The following NFRKB variants were observed in gnomAD, a reference collection of about 807,000 sequenced individuals.
NFRKB encodes nuclear factor related to kappa-B-binding protein.
A neutral mutation model predicts 135.7 loss-of-function variants in NFRKB; 62 were observed. That is an observed-to-expected ratio of 0.46 (90% CI 0.37 to 0.56). The LOEUF is 0.56. Ranked by LOEUF, NFRKB falls within the 20% of genes least tolerant of loss-of-function variation. The probability of loss-of-function intolerance (pLI) is 0.00; values close to 1 mark genes in which losing one functional copy is unlikely to be tolerated. For missense variants in NFRKB, 1,545 were observed against 1,662.0 expected (o/e 0.93, Z 1.22); for synonymous variants, 678 against 635.6 (o/e 1.07, Z -1.00).
At position 129,892,784 on chromosome 11, in the gene NFRKB, G is replaced by C. The variant is rs1405972038; in HGVS notation, c.66C>G (p.Gly22=). ...LELGPCGDGH[G]TRIMEDCLLG... The stretch of plus-strand genomic sequence containing the variant: ...GGAGGCAATCCTCCATGATGCGCGT[G>C]CCATGGCCATCTCCACACGGACCAA... Residue 22 remains glycine (G), a synonymous_variant, in exon 3 of 27, where the codon GGC becomes GGG. Coordinates refer to ENST00000682444, the MANE Select transcript of NFRKB (RefSeq NM_001143835.2). The C allele has an allele frequency of 6.2e-7, 1 of 1,614,174 alleles. No individual in the cohort carries two copies. Among genetic ancestry groups the C allele is most frequent in the Admixed American group, 1.7e-5 (1 of 60,022 alleles).
chr11:129,884,122 C>G lies in NFRKB; in HGVS notation c.764G>C (p.Ser255Thr). ...KTADKVELGD[S>T]DLKIMLKKHH... ...CTTCTTTAACATTATCTTCAGGTCA[C>G]TGTCCCCCAGTTCTACTTTATCTGA... Residue 255 changes from serine to threonine, a missense_variant, in exon 8 of 27, where the codon AGT becomes ACT. Ser to Thr is a moderately conservative substitution (Grantham distance 58). This residue lies in a region of NFRKB where 678 missense variants were observed against 646.7 expected (regional missense o/e 1.05). Transcript: ENST00000682444. 6.2e-7 allele frequency: 1 copy of G among 1,614,248 alleles called. No homozygotes were observed. Among genetic ancestry groups the G allele is most frequent in the Non-Finnish European group, 8.5e-7 (1 of 1,180,044 alleles).
intron 23 of NFRKB, 25 bp from the exon 24 acceptor site, chr11:129,870,286 T>C (rs1948439499): frequency 6.3e-7 from 1 of 1,599,600 alleles, no homozygotes; most frequent in Non-Finnish European, 8.6e-7. Flanking sequence ...GCAGCACTGA[T>C]GAGGGATTCA....
At chr11:129,890,806 A>G (rs1301087126) in intron 3 of NFRKB, among the ~76,000 whole-genome samples, 2 of 152,244 alleles carry the variant, frequency 1.3e-5, no homozygotes, top group Non-Finnish European at 2.9e-5. Context: ...CAGGGCACGT[A>G]CCATTATTGA....
At position 129,888,660 on chromosome 11, in the gene NFRKB, CTAAGA is replaced by C; in HGVS notation, c.266_270del (p.Ile89SerfsTer27). 6.2e-7 allele frequency: 1 copy of C among 1,614,194 alleles called. No individual in the cohort carries two copies. Among genetic ancestry groups the C allele is most frequent in the Non-Finnish European group, 8.5e-7 (1 of 1,180,042 alleles). On this transcript the variant is annotated frameshift_variant, in exon 4 of 27. Coordinates refer to ENST00000682444, the MANE Select transcript of NFRKB (RefSeq NM_001143835.2). LOFTEE classifies it high-confidence loss of function. Reference sequence around the variant, plus strand: ...CGGAAGTTCTCCCCACTGAACAAGGCTAAGATGAGTTCATTCTGCTGCTCAGCACT... The same window carrying C: ...CGGAAGTTCTCCCCACTGAACAAGGCTGAGTTCATTCTGCTGCTCAGCACT...
At chr11:129,888,216 G>T (rs902658368) in intron 4 of NFRKB, 1 of 528,014 alleles carries the variant, frequency 1.9e-6, no homozygotes, top group African/African-American at 2.0e-5. Context: ...AAGTGTGTGT[G>T]TACCTAAACA....
chr11:129,893,424 G>A (rs188706801), intron 2 of NFRKB: 3 of 351,522 alleles, frequency 8.5e-6, no homozygotes, highest in Non-Finnish European at 1.1e-5. Context: ...GCCAGGCGTG[G>A]TGGCGCACGC....
intron 16 of NFRKB, 93 bp downstream of exon 16, chr11:129,877,232 T>C: frequency 7.7e-7 from 1 of 1,294,438 alleles, no homozygotes; most frequent in South Asian, 1.2e-5. Context: ...TATGAGTTTC[T>C]TGCAAGAAGG....
intron 4 of NFRKB, 59 bp downstream of exon 4, chr11:129,888,531 CACAT>C: frequency 7.0e-7 from 1 of 1,421,020 alleles, no homozygotes; most frequent in Non-Finnish European, 1.0e-6. Context: ...AAGGAATACC[CACAT>C]AAAGTGAACG....
At chr11:129,886,608 G>C (rs190768753) in intron 4 of NFRKB, among the ~76,000 whole-genome samples, 164 bp from the exon 5 acceptor site, 1 of 152,136 alleles carries the variant, frequency 6.6e-6, no homozygotes, top group Non-Finnish European at 1.5e-5. Flanking sequence ...AAGTAAAAGC[G>C]TGCTGAGAAG....
Position 129,884,386 on chromosome 11 carries a change from C to G in NFRKB, c.743-243G>C, listed in dbSNP as rs78596317. 3.9e-3 allele frequency among the ~76,000 whole-genome samples: 601 copies of G among 152,296 alleles called. 6 individuals carry two copies. The highest frequency in any genetic ancestry group is 0.014 in the African/African-American group (575 of 41,554). On this transcript the variant is annotated intron_variant, in intron 7 of 26. Coordinates refer to ENST00000682444, the MANE Select transcript of NFRKB (RefSeq NM_001143835.2). ...TTCTTAACCATCTTTGCTTCCTGTT[C>G]CAAACAAAAACTCTTCTCCAAACTC...
chr11:129,872,215 C>G (rs1288895540), intron 23 of NFRKB, among the ~76,000 whole-genome samples: 2 of 152,112 alleles, frequency 1.3e-5, no homozygotes, highest in African/African-American at 4.8e-5. Flanking sequence ...CGTCTCTTAG[C>G]TCTATGAGAA....
chr11:129,876,667 G>C, intron 17 of NFRKB, 54 bp downstream of exon 17: 1 of 1,456,102 alleles, frequency 6.9e-7, no homozygotes, highest in Non-Finnish European at 9.4e-7. Flanking sequence ...GTTGGTAAGA[G>C]AAAAGCTGCG....
intron 3 of NFRKB, among the ~76,000 whole-genome samples, chr11:129,890,038 T>TTG (rs1013367948): frequency 8.0e-5 from 12 of 150,626 alleles, no homozygotes; most frequent in Admixed American, 3.3e-4. Flanking sequence ...TGTTTTTTTT[T>TTG]TTTGTTTTTT....
chr11:129,871,759 C>T (rs1948519171), intron 23 of NFRKB, among the ~76,000 whole-genome samples: 1 of 152,188 alleles, frequency 6.6e-6, no homozygotes, highest in Non-Finnish European at 1.5e-5. Context: ...CCGTTCTTGT[C>T]CCCCATTGTT....
At chr11:129,867,094 C>T (rs61913688) in intron 24 of NFRKB, among the ~76,000 whole-genome samples, 51,132 of 152,058 alleles carry the variant, frequency 0.34, 9,789 homozygotes, top group East Asian at 0.46. Context: ...ATGATCCCTT[C>T]AGGAACTACC....
chr11:129,881,338 T>C, intron 13 of NFRKB, 105 bp downstream of exon 13: 3 of 1,209,810 alleles, frequency 2.5e-6, no homozygotes, highest in Non-Finnish European at 3.6e-6. Context: ...TGATATTGCT[T>C]TTTAAAACCA....
intron 13 of NFRKB, 150 bp from the exon 14 acceptor site, chr11:129,878,693 G>C: frequency 1.4e-6 from 1 of 700,956 alleles, no homozygotes; most frequent in Non-Finnish European, 2.4e-6. Flanking sequence ...CCTTCCAGCT[G>C]GCGGAAGTCA....
chr11:129,872,757 TA>T (rs1948574331), intron 23 of NFRKB, 126 bp downstream of exon 23: 3 of 953,370 alleles, frequency 3.1e-6, no homozygotes, highest in Admixed American at 5.4e-5. Context: ...TAAGTATCTA[TA>T]AGCTGAGAGT....
intron 2 of NFRKB, chr11:129,893,387 TACAA>T: frequency 3.8e-4 from 2 of 5,328 alleles, no homozygotes; most frequent in Admixed American, 2.4e-3. Flanking sequence ...ACCCCTTCTC[TACAA>T]AAAAAAAAAA....
Sources: gnomAD v4.1 joint callset for allele counts (sites outside exome capture counted in the v4.1 genomes callset) on GRCh38, gnomAD v4.1.1 for gene constraint, gnomAD v4.1.1 regional missense constraint, MANE v1.5 for transcripts, NCBI Gene and HGNC (gene_info 2026-07-23, HGNC 2026-07-21) for gene names.